Variants in DPP6 observed in about 807,000 individuals in gnomAD.
DPP6 encodes the protein dipeptidyl peptidase like 6.
DPP6 carries 69 observed loss-of-function variants against 122.6 expected under a neutral mutation model. The observed-to-expected ratio is 0.56, with a 90% confidence interval of 0.46 to 0.69. DPP6 has a LOEUF of 0.69. DPP6 is among the 30% of genes least tolerant of loss of function. The pLI is 0.00. For missense variants in DPP6, 928 were observed against 1,116.9 expected (o/e 0.83, Z 2.41); for synonymous variants, 418 against 433.1 (o/e 0.97, Z 0.43).
chr7:154,242,283 G>A (rs118057336), intron 1 of DPP6, among the ~76,000 whole-genome samples: 66 of 152,244 alleles, frequency 4.3e-4, no homozygotes, highest in Middle Eastern at 6.8e-3. Flanking sequence ...TACATCCACC[G>A]TACTCCATAA....
intron 3 of DPP6, among the ~76,000 whole-genome samples, chr7:154,526,331 G>A (rs966325123): frequency 2.6e-5 from 4 of 152,164 alleles, no homozygotes; most frequent in African/African-American, 9.7e-5. Context: ...GCCTGAGAAG[G>A]GTGATTTTTC....
intron 1 of DPP6, among the ~76,000 whole-genome samples, chr7:154,304,395 G>A (rs762022320): frequency 7.9e-5 from 12 of 152,182 alleles, no homozygotes; most frequent in Non-Finnish European, 1.3e-4. Context: ...CCGGTGCAGG[G>A]AGCCAGGCAG....
Position 154,660,697 on chromosome 7 carries a change from A to G in DPP6, c.681-8663A>G, listed in dbSNP as rs553418622. On this transcript the variant is annotated intron_variant, in intron 6 of 25. Coordinates refer to ENST00000377770, the MANE Select transcript of DPP6 (RefSeq NM_130797.4). ...ATTCATATAGTCATGGTGAATCACC[A>G]TGGCATATTGGCGCTAGTATTCATA... Among the ~76,000 whole-genome samples, 189 of 120,242 alleles carry G rather than the reference A, an allele frequency of 1.6e-3. 2 individuals are homozygous for G. Among genetic ancestry groups the G allele is most frequent in the Non-Finnish European group, 2.5e-3 (147 of 58,388 alleles). The allele number at this position is 120,242 out of a possible 152,430, so 78.9% of individuals were successfully genotyped here. A position where few individuals can be genotyped will look rare whatever the true frequency, so the allele number is the denominator to read the frequency against.
intron 1 of DPP6, among the ~76,000 whole-genome samples, chr7:154,307,484 C>A (rs1438779343): frequency 6.6e-6 from 1 of 151,938 alleles, no homozygotes; most frequent in Non-Finnish European, 1.5e-5. Context: ...AATGAACAGC[C>A]CCCACCCCCA....
At chr7:154,227,215 G>GACACACACACACATACACACACAC (rs1554495535) in intron 1 of DPP6, among the ~76,000 whole-genome samples, 30 of 141,454 alleles carry the variant, frequency 2.1e-4, no homozygotes, top group African/African-American at 8.0e-4. Context: ...GAAAATGAGG[G>GACACACACACACATACACACACAC]ACACACACAC....
intron 1 of DPP6, among the ~76,000 whole-genome samples, chr7:153,946,462 A>G (rs1032329178): frequency 6.6e-6 from 1 of 152,096 alleles, no homozygotes; most frequent in Admixed American, 6.6e-5. Context: ...AATGCATTAT[A>G]ATTCAAGCAG....
chr7:154,442,494 T>C lies in DPP6; in HGVS notation c.244-3720T>C, dbSNP rs369629919. Among the ~76,000 whole-genome samples the C allele has an allele frequency of 3.1e-5, 3 of 96,148 alleles. No individual in the cohort carries two copies. The East Asian group carries it at 9.3e-4, about 30-fold the overall frequency. The allele number at this position is 96,148 out of a possible 152,430, so 63.1% of individuals were successfully genotyped here. On this transcript the variant is annotated intron_variant, in intron 1 of 25. Coordinates refer to ENST00000377770, the MANE Select transcript of DPP6 (RefSeq NM_130797.4). ...AGGGATTTGCCTGGCAAAATGAAGA[T>C]GAAGGGAAATTCCAGGAAACAGAAA...
chr7:154,216,297 A>G, intron 1 of DPP6, among the ~76,000 whole-genome samples: 1 of 152,214 alleles, frequency 6.6e-6, no homozygotes, highest in East Asian at 1.9e-4. Flanking sequence ...GCTTTTGGCA[A>G]TGACAGATCT....
chr7:153,872,528 A>G, the DPP6 span, among the ~76,000 whole-genome samples: 358 of 152,316 alleles, frequency 2.4e-3, 1 homozygote, highest in African/African-American at 8.1e-3. Flanking sequence ...TCACATTTAT[A>G]TATATTTATA....
intron 16 of DPP6, among the ~76,000 whole-genome samples, chr7:154,823,872 C>T (rs1172752994): frequency 6.6e-6 from 1 of 152,242 alleles, no homozygotes; most frequent in Non-Finnish European, 1.5e-5. Flanking sequence ...ATCCTTCTCT[C>T]TGCTCCATGC....
At chr7:153,997,481 C>T (rs1797496323) in intron 1 of DPP6, among the ~76,000 whole-genome samples, 2 of 151,968 alleles carry the variant, frequency 1.3e-5, no homozygotes, top group South Asian at 2.1e-4. Flanking sequence ...TTATTGAGCA[C>T]CTGCTGTAAG....
chr7:154,723,656 T>A (rs1266751688), intron 7 of DPP6, among the ~76,000 whole-genome samples: 1 of 152,196 alleles, frequency 6.6e-6, no homozygotes, highest in Non-Finnish European at 1.5e-5. Context: ...TGCTTTCAGA[T>A]CCATCCCTCT....
rs549422941 is a variant in DPP6 at position 154,097,428 on chromosome 7, C to T, written c.243+44365C>T. On this transcript the variant is annotated intron_variant, in intron 1 of 25. Transcript: ENST00000377770. Reference sequence around the variant, plus strand: ...TGAGGGCAGGACCCGTCTGATTCAACGCTATTGCTCCAGCATAGCTGGACA... The same window carrying T: ...TGAGGGCAGGACCCGTCTGATTCAATGCTATTGCTCCAGCATAGCTGGACA... Among the ~76,000 whole-genome samples the T allele has an allele frequency of 1.2e-4, 19 of 152,366 alleles. No individual in the cohort carries two copies. The South Asian group carries it at 3.3e-3, about 27-fold the overall frequency.
intron 4 of DPP6, among the ~76,000 whole-genome samples, chr7:154,561,720 A>G (rs1005101576): frequency 1.8e-4 from 28 of 152,168 alleles, no homozygotes; most frequent in Admixed American, 4.6e-4. Flanking sequence ...CAGAAAACAG[A>G]AAAATGTTAG....
chr7:154,134,263 G>A (rs1266736670), intron 1 of DPP6, among the ~76,000 whole-genome samples: 2 of 152,146 alleles, frequency 1.3e-5, no homozygotes, highest in African/African-American at 4.8e-5. Context: ...ACAAACACCA[G>A]GGTGAGGAAT....
At chr7:153,937,331 A>C (rs572702465) in intron 1 of DPP6, among the ~76,000 whole-genome samples, 1 of 152,124 alleles carries the variant, frequency 6.6e-6, no homozygotes, top group African/African-American at 2.4e-5. Flanking sequence ...CCTCCTAACT[A>C]TCACCAAAAC....
intron 1 of DPP6, chr7:154,059,190 G>T (rs1271610935): frequency 7.0e-6 from 1 of 143,620 alleles, no homozygotes; most frequent in Admixed American, 6.8e-5. Flanking sequence ...CCATCGCAGG[G>T]TGGGGGAGGC....
At chr7:153,783,565 T>A in the DPP6 span, among the ~76,000 whole-genome samples, 2 of 152,190 alleles carry the variant, frequency 1.3e-5, no homozygotes, top group Non-Finnish European at 2.9e-5. Context: ...ACTGATAAGC[T>A]TTTTCTTTTC....
chr7:153,765,549 C>CAAA, the DPP6 span, among the ~76,000 whole-genome samples: 72 of 137,394 alleles, frequency 5.2e-4, no homozygotes, highest in African/African-American at 1.5e-3. Flanking sequence ...TGTAAAAAAA[C>CAAA]AAAAAAAAAA....
Sources: allele counts gnomAD v4.1 joint callset (sites outside exome capture counted in the v4.1 genomes callset), GRCh38; gene constraint gnomAD v4.1.1; transcripts MANE v1.5; gene names NCBI Gene and HGNC (gene_info 2026-07-23, HGNC 2026-07-21).